Variants in SH3PXD2B observed in about 807,000 individuals in gnomAD.
The protein encoded by SH3PXD2B is SH3 and PX domains 2B.
A neutral mutation model predicts 73.1 loss-of-function variants in SH3PXD2B; 37 were observed. That is an observed-to-expected ratio of 0.51 (90% CI 0.39 to 0.67). The LOEUF is 0.67. Among genes scored for constraint, SH3PXD2B ranks in the 30% least tolerant of loss-of-function variants. SH3PXD2B has a pLI of 0.00. For synonymous variants in SH3PXD2B, 457 were observed against 480.5 expected, an observed-to-expected ratio of 0.95 and a Z score of 0.64; for missense variants, 1,053 against 1,197.8, an observed-to-expected ratio of 0.88 and a Z score of 1.78.
downstream of SH3PXD2B, among the ~76,000 whole-genome samples, chr5:172,332,255 CCTTT>C (rs1287904600): frequency 2.7e-5 from 4 of 145,882 alleles, no homozygotes; most frequent in Admixed American, 2.7e-4. Flanking sequence ...CTTTTTCCTT[CCTTT>C]TTTTTTTTTT....
intron 3 of SH3PXD2B, among the ~76,000 whole-genome samples, chr5:172,398,147 G>A (rs183679915): frequency 5.1e-4 from 77 of 152,342 alleles, no homozygotes; most frequent in Admixed American, 2.5e-3. Flanking sequence ...GGCAAGTGGC[G>A]GATGGTAACC....
At chr5:172,367,595 C>T (rs1214413284) in intron 6 of SH3PXD2B, among the ~76,000 whole-genome samples, 1 of 152,128 alleles carries the variant, frequency 6.6e-6, no homozygotes, top group Non-Finnish European at 1.5e-5. Flanking sequence ...TACTTATCCC[C>T]CATCCTCTAT....
intron 3 of SH3PXD2B, among the ~76,000 whole-genome samples, chr5:172,398,620 G>T (rs1333538836): frequency 5.3e-5 from 8 of 152,202 alleles, no homozygotes; most frequent in Non-Finnish European, 1.0e-4. Context: ...TCAATATTTA[G>T]GAATGGTGGT....
chr5:172,416,665 A>T (rs1295218295), intron 2 of SH3PXD2B, among the ~76,000 whole-genome samples: 2 of 108,022 alleles, frequency 1.9e-5, no homozygotes, highest in South Asian at 2.8e-4. Context: ...GGACCTTTTC[A>T]TAGAGACTGT....
chr5:172,337,450 A>T lies in SH3PXD2B; in HGVS notation c.*919T>A. The T allele has an allele frequency of 1.0e-6, 1 of 983,630 alleles. No homozygotes were observed. The highest frequency in any genetic ancestry group is 1.2e-6 in the Non-Finnish European group (1 of 828,260). The allele number at this position is 983,630 out of a possible 1,614,324, so 60.9% of individuals were successfully genotyped here. ...TCTATAAAGGGAGGTTGTGAGGGTC[A>T]AAGCATGAATGCAAAGCGCCAAGTA... is the stretch of plus-strand genomic sequence containing the variant. On this transcript the variant is annotated 3_prime_UTR_variant, in exon 13 of 13. Transcript: ENST00000311601.
Position 172,450,036 on chromosome 5 carries a change from G to A in SH3PXD2B, c.75+4242C>T, listed in dbSNP as rs76114403. On this transcript the variant is annotated intron_variant, in intron 1 of 12. Transcript: ENST00000311601. ...GTTAAAAAGGGAAAAACATTAAAAG[G>A]TCCATGGGCTGTGGTGGGAAGGGGA... 5.1e-3 allele frequency among the ~76,000 whole-genome samples: 777 copies of A among 152,284 alleles called. 8 individuals are homozygous for A. Among genetic ancestry groups the A allele is most frequent in the Non-Finnish European group, 8.1e-3 (550 of 68,026 alleles).
chr5:172,339,638 C>T lies in SH3PXD2B; in HGVS notation c.1467G>A (p.Lys489=). The T allele has an allele frequency of 6.2e-7, 1 of 1,614,240 alleles. No homozygotes were observed. The highest frequency in any genetic ancestry group is 8.5e-7 in the Non-Finnish European group (1 of 1,180,044). The change falls in exon 13 of 13, where the codon AAG becomes AAA. Residue 489 remains lysine (K), a synonymous_variant. Coordinates refer to ENST00000311601, the MANE Select transcript of SH3PXD2B (RefSeq NM_001017995.3). The surrounding 1 kb of genome is among the most constrained non-coding windows in gnomAD (Gnocchi z 6.1). ...DSGLPWSKDW[K]GSKDVLRKAS... ...CCTTCCTCAGGACATCCTTACTGCC[C>T]TTCCAGTCTTTAGACCATGGCAACC...
downstream of SH3PXD2B, among the ~76,000 whole-genome samples, chr5:172,332,590 T>TAATA (rs1239567515): frequency 6.6e-6 from 1 of 151,564 alleles, no homozygotes; most frequent in African/African-American, 2.4e-5. Flanking sequence ...GGACACAGAT[T>TAATA]AATATATTAA....
chr5:172,389,062 T>A (rs892694877), intron 4 of SH3PXD2B, among the ~76,000 whole-genome samples: 2 of 150,876 alleles, frequency 1.3e-5, no homozygotes, highest in Admixed American at 6.6e-5. Flanking sequence ...TTTTTCTTTT[T>A]TTTTTTTTTT....
At chr5:172,394,901 T>A (rs1758261734) in intron 3 of SH3PXD2B, among the ~76,000 whole-genome samples, 1 of 152,112 alleles carries the variant, frequency 6.6e-6, no homozygotes, top group Non-Finnish European at 1.5e-5. Flanking sequence ...TAAGGGAGGC[T>A]GGAAGCAACT....
chr5:172,401,431 G>A (rs556428696), intron 3 of SH3PXD2B, among the ~76,000 whole-genome samples: 37 of 152,282 alleles, frequency 2.4e-4, no homozygotes, highest in South Asian at 4.2e-4. Context: ...TAAACCCCAC[G>A]ACTTGGATTA....
At chr5:172,449,750 C>T (rs905057933) in intron 1 of SH3PXD2B, among the ~76,000 whole-genome samples, 5 of 152,116 alleles carry the variant, frequency 3.3e-5, no homozygotes, top group African/African-American at 1.2e-4. Context: ...GCAAAGGGAA[C>T]CCTGAGGATG....
In SH3PXD2B at chr5:172,350,431, T is replaced by A. The variant is rs776669729; in HGVS notation, c.944A>T (p.Glu315Val). The A allele has an allele frequency of 6.2e-7, 1 of 1,614,018 alleles. No homozygotes were observed. Among genetic ancestry groups the A allele is most frequent in the Non-Finnish European group, 8.5e-7 (1 of 1,180,018 alleles). ...RQQNAVGREKELLSSQRDGRF... is the reference protein window; with the variant it reads ...RQQNAVGREKVLLSSQRDGRF... ...CCCGTCCCTCTGGCTGCTGAGCAGC[T>A]CCTTCTCCCTGCCCACCGCGTTCTG... The change falls in exon 10 of 13, where the codon GAG becomes GTG. Residue 315 changes from glutamate to valine, a missense_variant. Coordinates refer to ENST00000311601, the MANE Select transcript of SH3PXD2B (RefSeq NM_001017995.3).
chr5:172,401,165 T>C (rs1475769129), intron 3 of SH3PXD2B, among the ~76,000 whole-genome samples: 2 of 152,172 alleles, frequency 1.3e-5, no homozygotes, highest in Admixed American at 6.5e-5. Context: ...GGCTTGGAGA[T>C]TGGGTGGTGA....
chr5:172,387,913 AAT>A (rs1581299024), intron 4 of SH3PXD2B, among the ~76,000 whole-genome samples: 2 of 150,824 alleles, frequency 1.3e-5, no homozygotes, highest in East Asian at 3.9e-4. Flanking sequence ...AACATTTTGT[AAT>A]ATTGCCTCTT....
intron 6 of SH3PXD2B, among the ~76,000 whole-genome samples, chr5:172,369,628 C>A (rs573663780): frequency 4.6e-5 from 7 of 152,176 alleles, no homozygotes; most frequent in African/African-American, 1.7e-4. Context: ...ATTAGCCAGG[C>A]ATGGTGGTGT....
At chr5:172,372,565 CA>C (rs1439814796) in intron 6 of SH3PXD2B, among the ~76,000 whole-genome samples, 2 of 151,800 alleles carry the variant, frequency 1.3e-5, no homozygotes, top group African/African-American at 2.4e-5. Context: ...TACTGCTGGT[CA>C]GGGGCACCCA....
chr5:172,439,662 A>ATG (rs1324192827), intron 1 of SH3PXD2B, among the ~76,000 whole-genome samples: 28 of 135,866 alleles, frequency 2.1e-4, no homozygotes, highest in African/African-American at 8.4e-4. Context: ...AAAACCAGGT[A>ATG]TGTGTGTGCG....
intron 1 of SH3PXD2B, among the ~76,000 whole-genome samples, chr5:172,427,716 T>C (rs1759130595): frequency 6.6e-6 from 1 of 151,864 alleles, no homozygotes; most frequent in South Asian, 2.1e-4. Context: ...TGGCGATGGA[T>C]GGTGGTGATG....
Sources: allele counts gnomAD v4.1 joint callset (sites outside exome capture counted in the v4.1 genomes callset), GRCh38; gene constraint gnomAD v4.1.1; non-coding constraint Gnocchi (gnomAD v3.1); transcripts MANE v1.5; gene names NCBI Gene and HGNC (gene_info 2026-07-23, HGNC 2026-07-21).